The following AGBL4 variants were observed in gnomAD, a reference collection of about 807,000 sequenced individuals.
The protein encoded by AGBL4 is cytosolic carboxypeptidase 6.
In AGBL4, 58 loss-of-function variants were observed where a neutral mutation model predicts 66.4. The ratio of observed to expected loss-of-function variants is 0.87; its 90% CI spans 0.71 to 1.09. The LOEUF (loss-of-function observed/expected upper bound fraction) is 1.09. Among genes scored for constraint, AGBL4 ranks in the 50% least tolerant of loss-of-function variants. AGBL4 has a pLI of 0.00. For synonymous variants in AGBL4, 234 were observed against 222.9 expected, an observed-to-expected ratio of 1.05 and a Z score of -0.44; for missense variants, 579 against 631.0, an observed-to-expected ratio of 0.92 and a Z score of 0.88.
At chr1:49,561,457 CT>C (rs1271746657) in intron 3 of AGBL4, among the ~76,000 whole-genome samples, 2 of 151,830 alleles carry the variant, frequency 1.3e-5, no homozygotes, top group African/African-American at 2.4e-5. Flanking sequence ...TCCGTCCCCC[CT>C]CCCCCCAACC....
At chr1:49,193,301 G>T (rs1262006519) in intron 4 of AGBL4, among the ~76,000 whole-genome samples, 1 of 150,286 alleles carries the variant, frequency 6.7e-6, no homozygotes, top group Admixed American at 6.6e-5. Flanking sequence ...ACATTATATT[G>T]TTAATTTATG....
chr1:49,166,699 C>T (rs1426667376), intron 4 of AGBL4, among the ~76,000 whole-genome samples: 1 of 152,118 alleles, frequency 6.6e-6, no homozygotes, highest in Non-Finnish European at 1.5e-5. Context: ...CCATTACTCA[C>T]ATTTCCAAAT....
intron 4 of AGBL4, among the ~76,000 whole-genome samples, chr1:49,229,483 G>A (rs1177115247): frequency 6.6e-6 from 1 of 152,202 alleles, no homozygotes; most frequent in Non-Finnish European, 1.5e-5. Flanking sequence ...CTGGGAGCAA[G>A]CAGGGTAAGA....
At chr1:48,791,799 G>A (rs1369257486) in intron 6 of AGBL4, among the ~76,000 whole-genome samples, 4 of 152,148 alleles carry the variant, frequency 2.6e-5, no homozygotes, top group Admixed American at 1.3e-4. Flanking sequence ...GTAGGCACTG[G>A]TGTTCATAAA....
chr1:49,806,068 T>A (rs1644970247), intron 2 of AGBL4, among the ~76,000 whole-genome samples: 1 of 152,140 alleles, frequency 6.6e-6, no homozygotes, highest in Non-Finnish European at 1.5e-5. Context: ...AGGATGGAAG[T>A]GCTTGGAGGT....
intron 5 of AGBL4, among the ~76,000 whole-genome samples, chr1:48,918,095 G>C (rs756181878): frequency 3.9e-5 from 6 of 152,272 alleles, no homozygotes; most frequent in Non-Finnish European, 8.8e-5. Flanking sequence ...AGATCAATGC[G>C]GACACTCACC....
chr1:48,893,659 T>A (rs773601857), intron 5 of AGBL4, among the ~76,000 whole-genome samples: 11 of 151,366 alleles, frequency 7.3e-5, no homozygotes, highest in Non-Finnish European at 1.2e-4. Context: ...CACTCCAGCC[T>A]GGGCAACAGA....
At chr1:49,186,501 C>T (rs1429875597) in intron 4 of AGBL4, among the ~76,000 whole-genome samples, 2 of 152,128 alleles carry the variant, frequency 1.3e-5, no homozygotes, top group Non-Finnish European at 2.9e-5. Flanking sequence ...AGTTTTATCA[C>T]CTGTAAAATG....
At chr1:48,769,120 C>A (rs1010665343) in intron 6 of AGBL4, among the ~76,000 whole-genome samples, 1 of 152,152 alleles carries the variant, frequency 6.6e-6, no homozygotes, top group Admixed American at 6.5e-5. Flanking sequence ...CAGATCCATC[C>A]AGCTATGTGA....
intron 3 of AGBL4, among the ~76,000 whole-genome samples, chr1:49,334,163 G>GCA (rs1645389043): frequency 6.6e-6 from 1 of 152,188 alleles, no homozygotes; most frequent in Non-Finnish European, 1.5e-5. Flanking sequence ...AGCCTGTACA[G>GCA]TAAGCATGGA....
At chr1:49,337,733 C>A (rs750775932) in intron 3 of AGBL4, among the ~76,000 whole-genome samples, 1 of 152,164 alleles carries the variant, frequency 6.6e-6, no homozygotes, top group Non-Finnish European at 1.5e-5. Flanking sequence ...CTGGATTATT[C>A]ATTAGACTTT....
chr1:49,786,399 CT>C (rs1644455963), intron 2 of AGBL4, among the ~76,000 whole-genome samples: 1 of 152,134 alleles, frequency 6.6e-6, no homozygotes, highest in South Asian at 2.1e-4. Flanking sequence ...GGGACAAACA[CT>C]TTTCTACCTT....
At chr1:49,089,630 G>T (rs1206015111) in intron 4 of AGBL4, among the ~76,000 whole-genome samples, 6 of 151,994 alleles carry the variant, frequency 3.9e-5, no homozygotes, top group African/African-American at 1.4e-4. Context: ...AAAAGCCTAG[G>T]ACCAGATGGA....
chr1:49,955,541 ATAGT>A (rs1179073493), intron 1 of AGBL4, among the ~76,000 whole-genome samples: 1 of 151,954 alleles, frequency 6.6e-6, no homozygotes, highest in Admixed American at 6.6e-5. Flanking sequence ...TGGTTTATAA[ATAGT>A]TAAAGAATCA....
intron 4 of AGBL4, among the ~76,000 whole-genome samples, chr1:49,188,635 GCTT>G (rs915907455): frequency 2.0e-5 from 3 of 152,102 alleles, no homozygotes; most frequent in Admixed American, 6.6e-5. Flanking sequence ...TAGATAAGGT[GCTT>G]CTTACTTGAA....
intron 3 of AGBL4, among the ~76,000 whole-genome samples, chr1:49,513,555 T>C (rs923510567): frequency 1.3e-5 from 2 of 152,012 alleles, no homozygotes; most frequent in Non-Finnish European, 2.9e-5. Flanking sequence ...GATTATGGCC[T>C]CCAGCTCCAT....
At chr1:49,177,505 A>T (rs1646853790) in intron 4 of AGBL4, among the ~76,000 whole-genome samples, 1 of 152,094 alleles carries the variant, frequency 6.6e-6, no homozygotes, top group South Asian at 2.1e-4. Context: ...CTGATGAAAA[A>T]ACTGAGGCCC....
chr1:49,421,721 G>A lies in AGBL4; in HGVS notation c.283-175857C>T, dbSNP rs534160414. Among the ~76,000 whole-genome samples the A allele has an allele frequency of 2.6e-4, 39 of 152,160 alleles. No individual in the cohort carries two copies. The South Asian group carries it at 8.1e-3, about 32-fold the overall frequency. ...CTTTTAATTCTACCTGTATTAGTTT[G>A]CTTTTGTGGACTTGCCTGGAAACTT... On this transcript the variant is annotated intron_variant, in intron 3 of 13. Coordinates refer to ENST00000371839, the MANE Select transcript of AGBL4 (RefSeq NM_032785.4).
At chr1:49,788,123 C>T (rs576646014) in intron 2 of AGBL4, among the ~76,000 whole-genome samples, 1 of 152,250 alleles carries the variant, frequency 6.6e-6, no homozygotes, top group South Asian at 2.1e-4. Context: ...AAAGGTCAGT[C>T]ACACACAAAG....
Sources: gnomAD v4.1 joint callset for allele counts (sites outside exome capture counted in the v4.1 genomes callset) on GRCh38, gnomAD v4.1.1 for gene constraint, MANE v1.5 for transcripts, NCBI Gene and HGNC (gene_info 2026-07-23, HGNC 2026-07-21) for gene names.